Variants in FMN1 observed in about 807,000 individuals in gnomAD.
FMN1 encodes the protein formin-1.
A neutral mutation model predicts 132.4 loss-of-function variants in FMN1; 110 were observed. The observed-to-expected ratio is 0.83, with a 90% CI of 0.71 to 0.97. The LOEUF (loss-of-function observed/expected upper bound fraction) is 0.97. FMN1 is among the 50% of genes least tolerant of loss of function. FMN1 has a pLI of 0.00. For synonymous variants in FMN1, 722 were observed against 651.7 expected (o/e 1.11, Z -1.64); for missense variants, 1,792 against 1,705.3 (o/e 1.05, Z -0.90).
intron 20 of FMN1, among the ~76,000 whole-genome samples, chr15:32,776,079 CAA>C (rs1000016450): frequency 6.6e-6 from 1 of 151,614 alleles, no homozygotes; most frequent in African/African-American, 2.4e-5. Flanking sequence ...AAAATAACCC[CAA>C]AAAAAAAGTA....
intron 17 of FMN1, among the ~76,000 whole-genome samples, chr15:32,824,100 AAC>A (rs1276256205): frequency 1.3e-5 from 2 of 152,268 alleles, no homozygotes; most frequent in African/African-American, 4.8e-5. Flanking sequence ...TGCCACCAGC[AAC>A]AGATAGTGTA....
At chr15:33,069,201 C>G (rs2037887783) in intron 5 of FMN1, among the ~76,000 whole-genome samples, 8 of 152,238 alleles carry the variant, frequency 5.3e-5, no homozygotes, top group Admixed American at 5.2e-4. Flanking sequence ...TTCTACCACT[C>G]TATTTATATG....
At chr15:32,950,717 T>C (rs568680997) in intron 9 of FMN1, among the ~76,000 whole-genome samples, 2 of 152,194 alleles carry the variant, frequency 1.3e-5, no homozygotes, top group African/African-American at 4.8e-5. Context: ...AGGTTGAGTA[T>C]CAGGAAAAAT....
chr15:32,823,818 G>A (rs2058296928), intron 17 of FMN1, among the ~76,000 whole-genome samples: 1 of 152,180 alleles, frequency 6.6e-6, no homozygotes, highest in Non-Finnish European at 1.5e-5. Context: ...CACACCCCTG[G>A]TCCAGAATGC....
intron 4 of FMN1, among the ~76,000 whole-genome samples, chr15:33,127,073 A>AGGCACT (rs1963154519): frequency 6.6e-6 from 1 of 152,182 alleles, no homozygotes; most frequent in Non-Finnish European, 1.5e-5. Flanking sequence ...GCTGTTTTCC[A>AGGCACT]GGCACTGTAT....
At chr15:32,921,643 T>C (rs1055912028) in intron 10 of FMN1, among the ~76,000 whole-genome samples, 8 of 151,940 alleles carry the variant, frequency 5.3e-5, no homozygotes, top group Non-Finnish European at 8.8e-5. Flanking sequence ...CACATTCATA[T>C]ATACAATCTA....
Position 32,886,085 on chromosome 15 carries a change from C to T in FMN1, c.3835+2087G>A, listed in dbSNP as rs372607028. 6.6e-5 allele frequency among the ~76,000 whole-genome samples: 10 copies of T among 152,016 alleles called. No homozygotes were observed. The East Asian group carries it at 1.7e-3, about 26-fold the overall frequency. Reference sequence around the variant, plus strand: ...ATGGAAACGTTAAGATGAAACGGACCGCCACGATTCTGGCCATCTTGCCAG... The same window carrying T: ...ATGGAAACGTTAAGATGAAACGGACTGCCACGATTCTGGCCATCTTGCCAG... On this transcript the variant is annotated intron_variant, in intron 16 of 20. Transcript: ENST00000616417.
At chr15:32,974,043 G>A (rs999714927) in intron 7 of FMN1, among the ~76,000 whole-genome samples, 1 of 152,142 alleles carries the variant, frequency 6.6e-6, no homozygotes, top group Admixed American at 6.5e-5. Context: ...GTCAAAACCA[G>A]TCCCTTACAA....
At chr15:32,944,506 C>G (rs1390386935) in intron 9 of FMN1, among the ~76,000 whole-genome samples, 1 of 152,180 alleles carries the variant, frequency 6.6e-6, no homozygotes, top group African/African-American at 2.4e-5. Flanking sequence ...ACTGTTTAGT[C>G]AAACTGTTAG....
chr15:33,128,179 A>T (rs986518162), intron 4 of FMN1, among the ~76,000 whole-genome samples: 4 of 122,220 alleles, frequency 3.3e-5, no homozygotes, highest in African/African-American at 2.6e-4. Context: ...TAAAGCAAGC[A>T]AACAAATTGC....
intron 10 of FMN1, among the ~76,000 whole-genome samples, chr15:32,917,495 T>C (rs1033481735): frequency 3.3e-5 from 5 of 152,352 alleles, no homozygotes; most frequent in Admixed American, 1.3e-4. Context: ...GGATTAATAC[T>C]TAATAACTGA....
chr15:32,899,776 G>C (rs1182837807), intron 14 of FMN1: 2 of 584,790 alleles, frequency 3.4e-6, no homozygotes, highest in East Asian at 5.5e-5. Context: ...TGAAAATAAA[G>C]TCTAACGTGA....
chr15:32,961,739 T>C (rs1045985975), intron 9 of FMN1, among the ~76,000 whole-genome samples: 5 of 152,156 alleles, frequency 3.3e-5, no homozygotes, highest in African/African-American at 1.2e-4. Context: ...GAGAACATTA[T>C]GAGCAGATAT....
chr15:33,056,514 G>A (rs1350308349), intron 6 of FMN1, among the ~76,000 whole-genome samples: 1 of 152,160 alleles, frequency 6.6e-6, no homozygotes, highest in Admixed American at 6.5e-5. Flanking sequence ...TGAACAGTAG[G>A]CCCCCTTTGA....
chr15:33,170,724 C>T (rs2032712028), intron 3 of FMN1, among the ~76,000 whole-genome samples: 1 of 151,882 alleles, frequency 6.6e-6, no homozygotes, highest in African/African-American at 2.4e-5. Context: ...TGGCTAATAG[C>T]AGACAAAAAA....
At chr15:33,156,547 C>T (rs1964681487) in intron 3 of FMN1, among the ~76,000 whole-genome samples, 1 of 151,894 alleles carries the variant, frequency 6.6e-6, no homozygotes, top group African/African-American at 2.4e-5. Flanking sequence ...ACTTCAGCTT[C>T]TCAGAGTGCT....
At chr15:32,987,688 C>G (rs1379589998) in intron 7 of FMN1, among the ~76,000 whole-genome samples, 1 of 151,890 alleles carries the variant, frequency 6.6e-6, no homozygotes, top group Admixed American at 6.6e-5. Context: ...CAAATGCCTA[C>G]TTTCTTCTGA....
chr15:32,951,258 C>G (rs745493649), intron 9 of FMN1, among the ~76,000 whole-genome samples: 23 of 152,136 alleles, frequency 1.5e-4, no homozygotes, highest in Non-Finnish European at 2.8e-4. Flanking sequence ...GTATCACAAA[C>G]ACAGGTTACC....
intron 19 of FMN1, among the ~76,000 whole-genome samples, chr15:32,786,001 TA>T (rs1240336076): frequency 6.6e-6 from 1 of 152,150 alleles, no homozygotes; most frequent in Non-Finnish European, 1.5e-5. Context: ...AAAAATGGTC[TA>T]AAAAATGGAT....
Sources: gnomAD v4.1 joint callset for allele counts (sites outside exome capture counted in the v4.1 genomes callset) on GRCh38, gnomAD v4.1.1 for gene constraint, MANE v1.5 for transcripts, NCBI Gene and HGNC (gene_info 2026-07-23, HGNC 2026-07-21) for gene names.